The following SBSPON variants were observed in gnomAD, a reference collection of about 807,000 sequenced individuals.
SBSPON encodes somatomedin-B and thrombospondin type-1 domain-containing protein.
SBSPON carries 30 observed loss-of-function variants against 35.8 expected under a neutral mutation model. That is an observed-to-expected ratio of 0.84 (90% CI 0.63 to 1.14). The LOEUF is 1.14. SBSPON is among the 50% of genes most tolerant of loss of function. The pLI is 0.00. For synonymous variants in SBSPON, 136 were observed against 135.9 expected (o/e 1.00, Z 0.00); for missense variants, 364 against 357.7 (o/e 1.02, Z -0.14).
chr8:73,076,535 T>C (rs963554829), intron 2 of SBSPON, among the ~76,000 whole-genome samples: 1 of 151,640 alleles, frequency 6.6e-6, no homozygotes, highest in African/African-American at 2.4e-5. Flanking sequence ...TAATCCCAGC[T>C]ACTCGGGAGG....
intron 2 of SBSPON, among the ~76,000 whole-genome samples, chr8:73,079,980 T>C (rs921715049): frequency 2.6e-5 from 4 of 152,228 alleles, no homozygotes; most frequent in Non-Finnish European, 4.4e-5. Context: ...CACGTTCCTA[T>C]GAGAAACATA....
chr8:73,083,149 A>G (rs1393126443), intron 1 of SBSPON, among the ~76,000 whole-genome samples: 5 of 152,178 alleles, frequency 3.3e-5, no homozygotes, highest in African/African-American at 9.7e-5. Context: ...TTGGTCTCAC[A>G]GTTGAAGTCC....
intron 1 of SBSPON, among the ~76,000 whole-genome samples, chr8:73,091,598 C>T (rs1272478317): frequency 6.6e-6 from 1 of 152,134 alleles, no homozygotes; most frequent in Non-Finnish European, 1.5e-5. Flanking sequence ...CTGGAGTTAC[C>T]TGGCTCAAGG....
intron 1 of SBSPON, among the ~76,000 whole-genome samples, chr8:73,091,731 A>C (rs1810939057): frequency 6.6e-6 from 1 of 152,256 alleles, no homozygotes; most frequent in East Asian, 1.9e-4. Flanking sequence ...ATCAATATTC[A>C]CAGGTAAATC....
In SBSPON at chr8:73,067,059, C is replaced by A. The variant is rs534136742; in HGVS notation, c.*282G>T. The A allele has an allele frequency of 2.9e-4, 77 of 269,702 alleles. 1 individual carries two copies. The highest frequency in any genetic ancestry group is 1.5e-3 in the African/African-American group (71 of 46,192). The allele number at this position is 269,702 out of a possible 1,614,324, so 16.7% of individuals were successfully genotyped here. A position where few individuals can be genotyped will look rare whatever the true frequency, so the allele number is the denominator to read the frequency against. The stretch of plus-strand genomic sequence containing the variant: ...TTACTTTAGCAAACAGACATGTATT[C>A]TGTGTCTCACGGGCCACCTGCTGAA... On this transcript the variant is annotated 3_prime_UTR_variant, in exon 5 of 5. Coordinates refer to ENST00000297354, the MANE Select transcript of SBSPON (RefSeq NM_153225.4).
At chr8:73,074,627 C>T (rs1810557303) in intron 2 of SBSPON, 1 of 944,972 alleles carries the variant, frequency 1.1e-6, no homozygotes, top group Non-Finnish European at 1.3e-6. Flanking sequence ...CTGTTTGCAG[C>T]ATCTTTCCCA....
chr8:73,078,003 C>G (rs1810624868), intron 2 of SBSPON, among the ~76,000 whole-genome samples: 1 of 152,198 alleles, frequency 6.6e-6, no homozygotes, highest in Non-Finnish European at 1.5e-5. Flanking sequence ...AGAGGATACT[C>G]TGGGAACTTC....
chr8:73,090,753 A>G (rs2130046791), intron 1 of SBSPON, among the ~76,000 whole-genome samples: 1 of 152,248 alleles, frequency 6.6e-6, no homozygotes, highest in African/African-American at 2.4e-5. Context: ...TCCTTTTAAA[A>G]TTCAATCTGA....
At chr8:73,083,303 T>A (rs1362352891) in intron 1 of SBSPON, among the ~76,000 whole-genome samples, 1 of 152,178 alleles carries the variant, frequency 6.6e-6, no homozygotes, top group Non-Finnish European at 1.5e-5. Context: ...TCCAGAACAA[T>A]GACATCTCAA....
At chr8:73,079,885 C>G (rs1024005735) in intron 2 of SBSPON, among the ~76,000 whole-genome samples, 2 of 151,970 alleles carry the variant, frequency 1.3e-5, no homozygotes, top group African/African-American at 4.8e-5. Flanking sequence ...CACCTGGCAT[C>G]AAGTAGACTC....
chr8:73,078,112 C>T (rs904091454), intron 2 of SBSPON, among the ~76,000 whole-genome samples: 2 of 152,232 alleles, frequency 1.3e-5, no homozygotes, highest in East Asian at 3.9e-4. Flanking sequence ...AGTGAGCATC[C>T]GAAGCCCCTG....
At chr8:73,072,449 A>C (rs1810511234) in intron 2 of SBSPON, among the ~76,000 whole-genome samples, 1 of 152,192 alleles carries the variant, frequency 6.6e-6, no homozygotes, top group African/African-American at 2.4e-5. Flanking sequence ...TGGGTGGATC[A>C]TCTGAGGTCA....
chr8:73,071,414 G>T (rs1475840918), intron 3 of SBSPON, among the ~76,000 whole-genome samples: 1 of 152,190 alleles, frequency 6.6e-6, no homozygotes, highest in African/African-American at 2.4e-5. Flanking sequence ...AGAAACCTCT[G>T]AGTTGAAGTG....
intron 3 of SBSPON, among the ~76,000 whole-genome samples, chr8:73,071,083 C>G (rs1810485766): frequency 6.6e-6 from 1 of 152,134 alleles, no homozygotes; most frequent in Non-Finnish European, 1.5e-5. Context: ...TCTCAAACCC[C>G]TGGGCTCAAG....
At chr8:73,091,439 T>C (rs904889420) in intron 1 of SBSPON, among the ~76,000 whole-genome samples, 1 of 152,224 alleles carries the variant, frequency 6.6e-6, no homozygotes, top group Non-Finnish European at 1.5e-5. Context: ...TCTCTATCCC[T>C]GCGCTTACCA....
intron 2 of SBSPON, chr8:73,074,450 A>G (rs560430695): frequency 4.4e-6 from 1 of 225,494 alleles, no homozygotes; most frequent in African/African-American, 2.3e-5. Flanking sequence ...GATAGATCCT[A>G]TTATTTCCCC....
rs1810970728 is a variant in SBSPON at position 73,093,127 on chromosome 8, TCGGCTGG to T, written c.-67_-61del. Reference sequence around the variant, plus strand: ...ACCCCCGGGGCAAGCGCTCTGATCCTCGGCTGGCCGCGGCCCGGGAGCTGCCCGAGCG... The same window carrying T: ...ACCCCCGGGGCAAGCGCTCTGATCCTCCGCGGCCCGGGAGCTGCCCGAGCG... On this transcript the variant is annotated 5_prime_UTR_variant, in exon 1 of 5. Coordinates refer to ENST00000297354, the MANE Select transcript of SBSPON (RefSeq NM_153225.4). The T allele has an allele frequency of 1.0e-6, 1 of 967,754 alleles. No homozygotes were observed. The highest frequency in any genetic ancestry group is 3.8e-5 in the East Asian group (1 of 26,412). 59.9% of individuals were successfully genotyped at this position (967,754 alleles called of 1,614,324 possible).
rs1446923133 is a variant in SBSPON at position 73,067,418 on chromosome 8, A to C, written c.718T>G (p.Cys240Gly). The C allele has an allele frequency of 6.2e-7, 1 of 1,611,346 alleles. No individual in the cohort carries two copies. The highest frequency in any genetic ancestry group is 8.5e-7 in the Non-Finnish European group (1 of 1,178,242). ...LHWQAIGNPRCQGTWKKVRRV... is the reference protein window; with the variant it reads ...LHWQAIGNPRGQGTWKKVRRV... ...CGAACTTTTTTCCAAGTTCCTTGAC[A>C]CCGAGGATTACCAATTGCTTGCCAA... Residue 240 changes from cysteine (C) to glycine (G), a missense_variant, in exon 5 of 5, where the codon TGT (cysteine) becomes GGT (glycine). Cys to Gly is a radical substitution (Grantham distance 159). Coordinates refer to ENST00000297354, the MANE Select transcript of SBSPON (RefSeq NM_153225.4).
chr8:73,072,487 G>A (rs1810513153), intron 2 of SBSPON, among the ~76,000 whole-genome samples: 1 of 152,102 alleles, frequency 6.6e-6, no homozygotes, highest in South Asian at 2.1e-4. Flanking sequence ...TGGCCAACAT[G>A]GCAAAACCCT....
Sources: allele counts gnomAD v4.1 joint callset (sites outside exome capture counted in the v4.1 genomes callset), GRCh38; gene constraint gnomAD v4.1.1; transcripts MANE v1.5; gene names NCBI Gene and HGNC (gene_info 2026-07-23, HGNC 2026-07-21).